MBP: variants seen among roughly 807,000 people sequenced by gnomAD.
MBP encodes Golli-MBP.
Under a neutral mutation model 35.8 loss-of-function variants are expected in MBP, and 16 were observed. That is an observed-to-expected ratio of 0.45 (90% CI 0.30 to 0.68). The LOEUF (loss-of-function observed/expected upper bound fraction) is 0.68. Ranked by LOEUF, MBP falls within the 30% of genes least tolerant of loss-of-function variation. The probability of loss-of-function intolerance (pLI) is 0.08; values close to 1 mark genes in which losing one functional copy is unlikely to be tolerated. For synonymous variants in MBP, 143 were observed against 159.6 expected, an observed-to-expected ratio of 0.90 and a Z score of 0.78; for missense variants, 380 against 404.7, an observed-to-expected ratio of 0.94 and a Z score of 0.52.
intron 4 of MBP, chr18:77,004,073 G>C (rs545689548): frequency 6.6e-6 from 1 of 152,298 alleles, no homozygotes; most frequent in South Asian, 2.1e-4. Flanking sequence ...CAAGGCTGGA[G>C]ATGAGACGAC....
chr18:77,054,972 C>T (rs539618681), intron 3 of MBP, among the ~76,000 whole-genome samples: 30 of 152,310 alleles, frequency 2.0e-4, no homozygotes, highest in South Asian at 6.2e-4. Context: ...CTTGCATGCA[C>T]GCACACATTT....
chr18:77,061,652 C>G (rs1973987779), intron 3 of MBP, among the ~76,000 whole-genome samples: 1 of 152,166 alleles, frequency 6.6e-6, no homozygotes, highest in Non-Finnish European at 1.5e-5. Context: ...CTCCCTGCAG[C>G]CATTGTCACA....
At chr18:77,123,931 T>C (rs58506330) in intron 1 of MBP, among the ~76,000 whole-genome samples, 5,988 of 152,324 alleles carry the variant, frequency 0.039, 300 homozygotes, top group African/African-American at 0.1. Flanking sequence ...TCTGGGTTGG[T>C]GGTCAGCCGG....
intron 3 of MBP, among the ~76,000 whole-genome samples, chr18:77,062,937 C>T (rs867760425): frequency 1.3e-4 from 20 of 152,302 alleles, no homozygotes; most frequent in African/African-American, 3.8e-4. Flanking sequence ...TCACATTCCT[C>T]GCTCATTCTT....
chr18:77,076,193 C>T (rs765507558), intron 2 of MBP, among the ~76,000 whole-genome samples: 7 of 152,204 alleles, frequency 4.6e-5, no homozygotes, highest in Admixed American at 6.5e-5. Flanking sequence ...GAAGTGAGCC[C>T]GTTTCCCTTT....
intron 2 of MBP, among the ~76,000 whole-genome samples, chr18:77,078,431 C>T (rs140857250): frequency 7.9e-5 from 12 of 152,318 alleles, no homozygotes; most frequent in East Asian, 7.7e-4. Flanking sequence ...CAGCCCTTCC[C>T]GTAAGTCCTC....
In MBP at chr18:76,980,372, T is replaced by C. The variant is rs1157138874; in HGVS notation, c.*55A>G. 9 of 1,527,466 alleles carry C rather than the reference T, an allele frequency of 5.9e-6. No homozygotes were observed. Among genetic ancestry groups the C allele is most frequent in the Admixed American group, 1.7e-5 (1 of 59,892 alleles). The allele number at this position is 1,527,466 out of a possible 1,614,324, so 94.6% of individuals were successfully genotyped here. ...TAACAGGGGCAAGTGGGATTAAAGT[T>C]TTAAGGCAGTTATATTAAGAAGCTG... On this transcript the variant is annotated 3_prime_UTR_variant, in exon 9 of 9. Coordinates refer to ENST00000355994, the MANE Select transcript of MBP (RefSeq NM_001025101.2).
chr18:77,013,211 CA>C (rs1482614994), intron 4 of MBP: 2 of 985,288 alleles, frequency 2.0e-6, no homozygotes, highest in Non-Finnish European at 1.2e-6. Flanking sequence ...AATCTGTGGC[CA>C]AATCTCTTAT....
intron 3 of MBP, among the ~76,000 whole-genome samples, chr18:77,017,961 G>A (rs1418903445): frequency 6.6e-6 from 1 of 152,162 alleles, no homozygotes; most frequent in Non-Finnish European, 1.5e-5. Flanking sequence ...CTGTCACGAA[G>A]GGCAATGAAT....
rs1166910755 is a variant in MBP at position 76,978,947 on chromosome 18, G to A, written c.*1480C>T. On this transcript the variant is annotated 3_prime_UTR_variant, in exon 9 of 9. Transcript: ENST00000355994. The stretch of plus-strand genomic sequence containing the variant: ...GCGGCCACGTATGGATCGCAGAGCC[G>A]ACCTCAGCTCAGCGACGCAGAGTGC... 1.3e-5 allele frequency: 2 copies of A among 152,224 alleles called. No homozygotes were observed. The highest frequency in any genetic ancestry group is 1.9e-4 in the East Asian group (1 of 5,198). The allele number at this position is 152,224 out of a possible 1,614,324, so 9.4% of individuals were successfully genotyped here. A position where few individuals can be genotyped will look rare whatever the true frequency, so the allele number is the denominator to read the frequency against.
intron 2 of MBP, chr18:77,097,513 A>T (rs1975809386): frequency 6.6e-6 from 1 of 152,268 alleles, no homozygotes; most frequent in Non-Finnish European, 1.5e-5. Context: ...AGGATTCAAG[A>T]GGAAAACAGC....
chr18:77,032,390 C>T (rs1356976736), intron 3 of MBP, among the ~76,000 whole-genome samples: 1 of 152,236 alleles, frequency 6.6e-6, no homozygotes, highest in Non-Finnish European at 1.5e-5. Flanking sequence ...GGCTCATCAA[C>T]CCACCCATCT....
At chr18:77,010,747 G>A (rs3794832) in intron 4 of MBP, among the ~76,000 whole-genome samples, 4,395 of 152,286 alleles carry the variant, frequency 0.029, 82 homozygotes, top group Admixed American at 0.047. Flanking sequence ...CTAACTTAAT[G>A]TATTATCTTT....
chr18:77,013,351 G>A lies in MBP; in HGVS notation c.576+3481C>T, dbSNP rs1000617136. 15 of 985,270 alleles carry A rather than the reference G, an allele frequency of 1.5e-5. No individual in the cohort carries two copies. The African/African-American group carries it at 1.7e-4, about 11-fold the overall frequency. The allele number at this position is 985,270 out of a possible 1,614,324, so 61.0% of individuals were successfully genotyped here. On this transcript the variant is annotated intron_variant, in intron 4 of 8. Coordinates refer to ENST00000355994, the MANE Select transcript of MBP (RefSeq NM_001025101.2). ...CCCCTGTGTGTTGCTGCTGCCTTCC[G>A]TGCTGTCTACTGTATCCTTCATGTG...
intron 3 of MBP, among the ~76,000 whole-genome samples, chr18:77,052,615 A>T (rs1973535895): frequency 6.6e-6 from 1 of 152,220 alleles, no homozygotes; most frequent in African/African-American, 2.4e-5. Context: ...CTTGAAGCGA[A>T]TGCAGCTATG....
Position 76,988,278 on chromosome 18 carries a change from G to T in MBP, c.750+217C>A. The T allele has an allele frequency of 6.4e-7, 1 of 1,551,532 alleles. No individual in the cohort carries two copies. Among genetic ancestry groups the T allele is most frequent in the Non-Finnish European group, 8.7e-7 (1 of 1,147,360 alleles). On this transcript the variant is annotated intron_variant, in intron 7 of 8. Transcript: ENST00000355994. This position sits in a 1 kb window ranked among gnomAD's most constrained non-coding sequence, Gnocchi z 5.2. ...CTGGCCTTGCAGGGCTGGGTCCCCG[G>T]CACAGAAGCAAGAGACCAGACCTTC...
At chr18:76,985,520 A>T in intron 7 of MBP, 1 of 1,158,918 alleles carries the variant, frequency 8.6e-7, no homozygotes, top group Non-Finnish European at 1.1e-6. Flanking sequence ...GCTCTCTCCC[A>T]GGGTGAGCAG....
chr18:77,010,105 G>T, intron 4 of MBP: 1 of 603,668 alleles, frequency 1.7e-6, no homozygotes, highest in Non-Finnish European at 3.0e-6. Flanking sequence ...GCAGATGATG[G>T]ATGATGGAAG....
At chr18:77,092,219 A>T (rs1400685904) in intron 2 of MBP, among the ~76,000 whole-genome samples, 1 of 152,262 alleles carries the variant, frequency 6.6e-6, no homozygotes, top group Non-Finnish European at 1.5e-5. Context: ...CGCCTCACAT[A>T]GGCCCAGGGC....
Sources: gnomAD v4.1 joint callset for allele counts (sites outside exome capture counted in the v4.1 genomes callset) on GRCh38, gnomAD v4.1.1 for gene constraint, Gnocchi (gnomAD v3.1) non-coding constraint, MANE v1.5 for transcripts, NCBI Gene and HGNC (gene_info 2026-07-23, HGNC 2026-07-21) for gene names.